The following ZFHX3 variants were observed in gnomAD, a reference collection of about 807,000 sequenced individuals.
The protein encoded by ZFHX3 is zinc finger homeobox 3, also known as zinc finger homeobox protein 3.
ZFHX3 carries 42 observed loss-of-function variants against 279.1 expected under a neutral mutation model. The observed-to-expected ratio is 0.15, with a 90% CI of 0.12 to 0.19. The LOEUF is 0.19. Ranked by LOEUF, ZFHX3 falls within the 10% of genes least tolerant of loss-of-function variation. ZFHX3 has a pLI of 1.00. For synonymous variants in ZFHX3, 2,293 were observed against 1,957.8 expected (o/e 1.17, Z -4.52); for missense variants, 4,981 against 4,754.0 (o/e 1.05, Z -1.40).
chr16:73,055,006 G>C (rs1272011730), intron 1 of ZFHX3, among the ~76,000 whole-genome samples: 1 of 151,636 alleles, frequency 6.6e-6, no homozygotes, highest in Admixed American at 6.6e-5. Flanking sequence ...GAATTGGAAA[G>C]GGGTGAGTGA....
chr16:73,316,296 G>A (rs1286771686), intron 4 of ZFHX3, among the ~76,000 whole-genome samples: 1 of 152,144 alleles, frequency 6.6e-6, no homozygotes, highest in African/African-American at 2.4e-5. Context: ...ACAATTTAAA[G>A]GTGACAGGAC....
At chr16:72,857,267 A>G (rs1303130385) in intron 4 of ZFHX3, among the ~76,000 whole-genome samples, 2 of 152,266 alleles carry the variant, frequency 1.3e-5, no homozygotes, top group Non-Finnish European at 2.9e-5. Context: ...TGTATTCTGT[A>G]TAATACCCAA....
At chr16:73,655,184 A>G (rs1025460515) in intron 2 of ZFHX3, among the ~76,000 whole-genome samples, 1 of 152,290 alleles carries the variant, frequency 6.6e-6, no homozygotes, top group Non-Finnish European at 1.5e-5. Context: ...TTAAAGATGA[A>G]ATACTGAGAT....
At chr16:73,380,034 T>C (rs12921495) in intron 3 of ZFHX3, among the ~76,000 whole-genome samples, 1 of 151,876 alleles carries the variant, frequency 6.6e-6, no homozygotes, top group East Asian at 1.9e-4. Flanking sequence ...GGTGAAAACG[T>C]AAAGTACAGA....
At chr16:72,993,654 C>T (rs1048059354) in intron 1 of ZFHX3, among the ~76,000 whole-genome samples, 1 of 152,184 alleles carries the variant, frequency 6.6e-6, no homozygotes, top group Non-Finnish European at 1.5e-5. Context: ...AAGCCCACCA[C>T]TCCCCACTCC....
chr16:73,873,285 TGGTGGTGGGTGGTAGTG>T (rs1189694853), intron 1 of ZFHX3, among the ~76,000 whole-genome samples: 10 of 15,364 alleles, frequency 6.5e-4, no homozygotes, highest in South Asian at 2.6e-3. Flanking sequence ...GGGTGGTGGG[TGGTGGTGGGTGGTAGTG>T]GGTGGTGGGT....
intron 2 of ZFHX3, among the ~76,000 whole-genome samples, chr16:73,523,563 G>T (rs192577872): frequency 9.2e-5 from 14 of 151,546 alleles, no homozygotes; most frequent in African/African-American, 3.1e-4. Context: ...TGGATCCTTG[G>T]CATATTTCAC....
At chr16:72,997,755 A>G (rs1260761923) in intron 1 of ZFHX3, among the ~76,000 whole-genome samples, 1 of 152,094 alleles carries the variant, frequency 6.6e-6, no homozygotes, top group Non-Finnish European at 1.5e-5. Context: ...CCACCTATCT[A>G]TGAACTTTAA....
chr16:73,239,131 T>C (rs1054140309), intron 5 of ZFHX3, among the ~76,000 whole-genome samples: 2 of 152,188 alleles, frequency 1.3e-5, no homozygotes, highest in Admixed American at 1.3e-4. Flanking sequence ...AAATTAATAT[T>C]ACTATTTTTA....
chr16:72,796,841 G>T lies in ZFHX3; in HGVS notation c.5841C>A (p.Ala1947=), dbSNP rs774735452. The T allele has an allele frequency of 6.2e-7, 1 of 1,613,246 alleles. No individual in the cohort carries two copies. Among genetic ancestry groups the T allele is most frequent in the East Asian group, 2.2e-5 (1 of 44,742 alleles). ...ASDARGNATK[A]LLENFGFELV... ...ACTCAAAGCCAAAGTTCTCCAGCAG[G>T]GCCTTGGTGGCGTTCCCTCTGGCAT... The change falls in exon 9 of 10, where the codon GCC becomes GCA. Residue 1947 remains alanine, a synonymous_variant. Transcript: ENST00000268489.
At chr16:72,850,354 G>C (rs1165430801) in intron 4 of ZFHX3, among the ~76,000 whole-genome samples, 1 of 152,214 alleles carries the variant, frequency 6.6e-6, no homozygotes, top group East Asian at 1.9e-4. Context: ...CTTACCACAG[G>C]ACGAACGACC....
At chr16:73,776,235 A>G (rs1048976304) in intron 1 of ZFHX3, among the ~76,000 whole-genome samples, 5 of 152,118 alleles carry the variant, frequency 3.3e-5, no homozygotes, top group Non-Finnish European at 7.3e-5. Flanking sequence ...TTTGCACAGC[A>G]TGTCTATGAC....
At chr16:73,097,384 T>G (rs1276080230) in intron 7 of ZFHX3, among the ~76,000 whole-genome samples, 1 of 152,132 alleles carries the variant, frequency 6.6e-6, no homozygotes, top group Non-Finnish European at 1.5e-5. Context: ...GATTTCTTTC[T>G]GGACAGTTTG....
chr16:72,920,634 C>T (rs2039561370), intron 3 of ZFHX3, among the ~76,000 whole-genome samples: 1 of 151,882 alleles, frequency 6.6e-6, no homozygotes, highest in African/African-American at 2.4e-5. Context: ...GGCACCATTG[C>T]ACTCCAGCCT....
chr16:72,793,302 GGGAGCAACACAGGAGGAATGCCCT>G lies in ZFHX3; in HGVS notation c.9356_9379del (p.Gln3119_Leu3126del), dbSNP rs1567512527. The G allele has an allele frequency of 6.2e-7, 1 of 1,614,090 alleles. No homozygotes were observed. Among genetic ancestry groups the G allele is most frequent in the Non-Finnish European group, 8.5e-7 (1 of 1,179,972 alleles). ...TGGCAAGGAGGGGCTGTTGAGGCCC[GGGAGCAACACAGGAGGAATGCCCT>G]GGAGCGCTGGATATGCTGTAGGAAG... On this transcript the variant is annotated inframe_deletion, in exon 9 of 10. Transcript: ENST00000268489. The surrounding 1 kb of genome is among the most constrained non-coding windows in gnomAD (Gnocchi z 4.3).
In ZFHX3 at chr16:72,787,039, C is replaced by CTTTTTTTTTTTTTTTTTTTTT. The variant is rs76239888; in HGVS notation, c.*124_*125insAAAAAAAAAAAAAAAAAAAAA. 4.8e-6 allele frequency: 3 copies of CTTTTTTTTTTTTTTTTTTTTT among 622,214 alleles called. No individual in the cohort carries two copies. The highest frequency in any genetic ancestry group is 2.6e-5 in the African/African-American group (1 of 38,092). 38.5% of individuals were successfully genotyped at this position (622,214 alleles called of 1,614,324 possible). Reference sequence around the variant, plus strand: ...ACAACCCACGCTTTTTCTTTTTTTTCTTTTTTTTTTTTTTTTTGTTTTTTG... The same window carrying CTTTTTTTTTTTTTTTTTTTTT: ...ACAACCCACGCTTTTTCTTTTTTTTCTTTTTTTTTTTTTTTTTTTTTTTTTTTTTTTTTTTTTTGTTTTTTG... On this transcript the variant is annotated 3_prime_UTR_variant, in exon 10 of 10. Coordinates refer to ENST00000268489, the MANE Select transcript of ZFHX3 (RefSeq NM_006885.4).
rs2143304365 is a variant in ZFHX3, at chr16:72,788,521, T to C, written c.9755A>G (p.Glu3252Gly). The C allele has an allele frequency of 6.2e-7, 1 of 1,614,176 alleles. No individual in the cohort carries two copies. The highest frequency in any genetic ancestry group is 1.3e-5 in the African/African-American group (1 of 75,042). ...EKEKAHKGKG[E>G]PLPVPKKEKG... ...CTCCTTCTTGGGGACAGGCAGGGGT[T>C]CCCCTTTCCCTTTGTGTGCCTTTTC... Residue 3252 changes from glutamate to glycine, a missense_variant, in exon 10 of 10, where the codon GAA (glutamate) becomes GGA (glycine). Glu to Gly is a moderately conservative substitution (Grantham distance 98, BLOSUM62 -2). Coordinates refer to ENST00000268489, the MANE Select transcript of ZFHX3 (RefSeq NM_006885.4).
intron 2 of ZFHX3, among the ~76,000 whole-genome samples, chr16:73,529,882 T>C (rs1320638884): frequency 6.6e-6 from 1 of 152,134 alleles, no homozygotes; most frequent in African/African-American, 2.4e-5. Context: ...CAGAAATTTC[T>C]TAGAAAGTAA....
intron 5 of ZFHX3, among the ~76,000 whole-genome samples, chr16:73,210,689 G>A (rs1357572935): frequency 6.6e-6 from 1 of 152,158 alleles, no homozygotes; most frequent in African/African-American, 2.4e-5. Flanking sequence ...AAGGTTTCAA[G>A]TCAGCTCTGC....
Sources: gnomAD v4.1 joint callset for allele counts (sites outside exome capture counted in the v4.1 genomes callset) on GRCh38, gnomAD v4.1.1 for gene constraint, Gnocchi (gnomAD v3.1) non-coding constraint, MANE v1.5 for transcripts, NCBI Gene and HGNC (gene_info 2026-07-23, HGNC 2026-07-21) for gene names.